The following TSR3 variants were observed in gnomAD, a reference collection of about 807,000 sequenced individuals.
TSR3 encodes 18S rRNA aminocarboxypropyltransferase.
A neutral mutation model predicts 28.1 loss-of-function variants in TSR3; 31 were observed. That is an observed-to-expected ratio of 1.10 (90% CI 0.83 to 1.49). The LOEUF (loss-of-function observed/expected upper bound fraction) is 1.49. Among genes scored for constraint, TSR3 ranks in the 40% most tolerant of loss-of-function variants. TSR3 has a pLI of 0.00. For synonymous variants in TSR3, 219 were observed against 197.2 expected (o/e 1.11, Z -0.93); for missense variants, 511 against 444.0 (o/e 1.15, Z -1.36).
At position 1,349,252 on chromosome 16, in the gene TSR3, A is replaced by G; in HGVS notation, c.*185T>C. On this transcript the variant is annotated 3_prime_UTR_variant, in exon 6 of 6. Transcript: ENST00000007390. ...ACTCACAAGGGGCTTCTTGGCCTGC[A>G]GCTTCATTTGCGAGAGCGCCGAGGC... 2.9e-6 allele frequency: 2 copies of G among 696,896 alleles called. No homozygotes were observed. Among genetic ancestry groups the G allele is most frequent in the South Asian group, 3.4e-5 (2 of 58,122 alleles). The allele number at this position is 696,896 out of a possible 1,614,324, so 43.2% of individuals were successfully genotyped here. A position where few individuals can be genotyped will look rare whatever the true frequency, so the allele number is the denominator to read the frequency against.
Position 1,350,073 on chromosome 16 carries a change from G to C in TSR3, c.688C>G (p.Gln230Glu). 2 of 1,607,816 alleles carry C rather than the reference G, an allele frequency of 1.2e-6. No homozygotes were observed. The highest frequency in any genetic ancestry group is 1.7e-6 in the Non-Finnish European group (2 of 1,176,188). ...EFLANAKESP[Q>E]EEEIDPFDVD... The stretch of plus-strand genomic sequence containing the variant: ...CAAGGCTCACCGATCTCCTCCTCCT[G>C]GGGGCTCTCCTTGGCATTGGCCAAG... The change falls in exon 4 of 6, where the codon CAG (glutamine) becomes GAG (glutamate). Residue 230 changes from glutamine (Q) to glutamate (E), a missense_variant. Coordinates refer to ENST00000007390, the MANE Select transcript of TSR3 (RefSeq NM_001001410.3).
chr16:1,351,668 G>A (rs2034682870), intron 1 of TSR3, 25 bp downstream of exon 1: 2 of 1,403,198 alleles, frequency 1.4e-6, no homozygotes, highest in Admixed American at 3.5e-5. Flanking sequence ...ACCCTGACCC[G>A]CTCTCCCCAT....
chr16:1,349,658 C>G (rs2141628005), intron 5 of TSR3, 50 bp from the exon 6 acceptor site: 2 of 1,543,424 alleles, frequency 1.3e-6, no homozygotes, highest in Non-Finnish European at 1.7e-6. Context: ...CCCTGGCTAG[C>G]TGGAGTCAAC....
Position 1,350,951 on chromosome 16 carries a change from T to A in TSR3, c.382A>T (p.Arg128Trp), listed in dbSNP as rs781213771. 1.2e-6 allele frequency: 2 copies of A among 1,612,728 alleles called. No individual in the cohort carries two copies. The highest frequency in any genetic ancestry group is 3.3e-5 in the Admixed American group (2 of 60,022). Reference protein sequence around the residue: ...GVAVIDCSWARLDETPFGKMR... With the variant: ...GVAVIDCSWAWLDETPFGKMR... Reference sequence around the variant, plus strand: ...TTCCCAAACGGTGTCTCGTCCAGCCTGGCCCAGGAGCAGTCGATGACGGCG... The same window carrying A: ...TTCCCAAACGGTGTCTCGTCCAGCCAGGCCCAGGAGCAGTCGATGACGGCG... The change falls in exon 3 of 6, where the codon AGG becomes TGG. Residue 128 changes from arginine to tryptophan, a missense_variant. By Grantham distance (101) the Arg-to-Trp change is moderately radical. Transcript: ENST00000007390.
At chr16:1,350,328 G>A (rs1387185614) in intron 3 of TSR3, 94 bp from the exon 4 acceptor site, 1 of 1,333,852 alleles carries the variant, frequency 7.5e-7, no homozygotes, top group African/African-American at 1.5e-5. Context: ...GCTCTCCCAA[G>A]TAACCGCAGG....
At position 1,349,927 on chromosome 16, in the gene TSR3, T is replaced by G; in HGVS notation, c.729A>C (p.Arg243Ser). 1 of 1,613,422 alleles carries G rather than the reference T, an allele frequency of 6.2e-7. No individual in the cohort carries two copies. The highest frequency in any genetic ancestry group is 8.5e-7 in the Non-Finnish European group (1 of 1,179,976). ...EIDPFDVDSG[R>S]EFGNPNRPVA... Reference sequence around the variant, plus strand: ...CAGGCCTGTTGGGGTTTCCAAACTCTCTCCCTGAATCCACATCGAAGGGAT... The same window carrying G: ...CAGGCCTGTTGGGGTTTCCAAACTCGCTCCCTGAATCCACATCGAAGGGAT... Residue 243 changes from arginine (R) to serine (S), a missense_variant, in exon 5 of 6, where the codon AGA becomes AGC. Physicochemically the swap from Arg to Ser is moderately radical, Grantham distance 110 (BLOSUM62 -1). Transcript: ENST00000007390.
chr16:1,351,826 G>A lies in TSR3; in HGVS notation c.-22C>T, dbSNP rs1034850148. 9 of 1,303,262 alleles carry A rather than the reference G, an allele frequency of 6.9e-6. No individual in the cohort carries two copies. The highest frequency in any genetic ancestry group is 2.3e-5 in the South Asian group (1 of 44,394). 80.7% of individuals were successfully genotyped at this position (1,303,262 alleles called of 1,614,324 possible). A position where few individuals can be genotyped will look rare whatever the true frequency, so the allele number is the denominator to read the frequency against. On this transcript the variant is annotated 5_prime_UTR_variant, in exon 1 of 6. Transcript: ENST00000007390. The stretch of plus-strand genomic sequence containing the variant: ...CCATGGCGCGGACCTGGGGTGCCGG[G>A]GACTCCCCACCCCACGGCCGCGCCC...
rs747345617 is a variant in TSR3, at chr16:1,349,439, A to C, written c.937T>G (p.Ter313GlyextTer16). ...AAAAATATATGTGTCTGCAACCCTC[A>C]GTCTCTCTGCCGTTTCTTGATTCCT... ...WKGIKKRQRD[*>G] is the part of the protein sequence containing the mutation. The change falls in exon 6 of 6, where the codon TGA (stop) becomes GGA (glycine). Residue 313 changes from the stop codon to glycine (G), a stop_lost. Coordinates refer to ENST00000007390, the MANE Select transcript of TSR3 (RefSeq NM_001001410.3). 1.9e-6 allele frequency: 3 copies of C among 1,613,452 alleles called. No homozygotes were observed. Among genetic ancestry groups the C allele is most frequent in the Admixed American group, 3.3e-5 (2 of 59,882 alleles).
At chr16:1,350,415 A>C (rs2034638724) in intron 3 of TSR3, among the ~76,000 whole-genome samples, 181 bp from the exon 4 acceptor site, 1 of 151,934 alleles carries the variant, frequency 6.6e-6, no homozygotes, top group Non-Finnish European at 1.5e-5. Context: ...TACAGTCCAC[A>C]CCTCTGCAAC....
In TSR3 at chr16:1,349,919, C is replaced by G; in HGVS notation, c.737G>C (p.Gly246Ala). The G allele has an allele frequency of 6.2e-7, 1 of 1,613,690 alleles. No homozygotes were observed. The highest frequency in any genetic ancestry group is 8.5e-7 in the Non-Finnish European group (1 of 1,180,022). The change falls in exon 5 of 6, where the codon GGA (glycine) becomes GCA (alanine). Residue 246 changes from glycine (G) to alanine (A), a missense_variant. Gly to Ala is a moderately conservative substitution (Grantham distance 60). Transcript: ENST00000007390. ...GCTGGCCACAGGCCTGTTGGGGTTT[C>G]CAAACTCTCTCCCTGAATCCACATC... Reference protein sequence around the residue: ...PFDVDSGREFGNPNRPVASTR... With the variant: ...PFDVDSGREFANPNRPVASTR...
chr16:1,349,630 G>A (rs778040632), intron 5 of TSR3, 22 bp from the exon 6 acceptor site: 8 of 1,568,982 alleles, frequency 5.1e-6, no homozygotes, highest in East Asian at 2.3e-5. Context: ...GGGGGAGCAC[G>A]TTCCCAAATG....
At position 1,351,387 on chromosome 16, in the gene TSR3, G is replaced by C; in HGVS notation, c.324C>G (p.Pro108=). ...AGGCCTCCCGCGCCTACCTGTCTGC[G>C]GGGGACGCGTACTGCTTGCCCACGG... ...LSPVGKQYAS[P]ADRQLVAQSG... is the part of the protein sequence containing the mutation. The change falls in exon 2 of 6, where the codon CCC becomes CCG. Residue 108 remains proline (P), a synonymous_variant. Transcript: ENST00000007390. The C allele has an allele frequency of 6.3e-7, 1 of 1,585,682 alleles. No individual in the cohort carries two copies. Among genetic ancestry groups the C allele is most frequent in the Non-Finnish European group, 8.5e-7 (1 of 1,174,668 alleles).
chr16:1,349,977 T>C (rs747580455), intron 4 of TSR3, 25 bp from the exon 5 acceptor site: 1 of 1,613,022 alleles, frequency 6.2e-7, no homozygotes, highest in African/African-American at 1.3e-5. Context: ...GAAAGTGGCC[T>C]CTAAGTGAGC....
At chr16:1,351,114 A>C in intron 2 of TSR3, 114 bp from the exon 3 acceptor site, 2 of 1,192,566 alleles carry the variant, frequency 1.7e-6, no homozygotes, top group Non-Finnish European at 2.3e-6. Context: ...ATCCCCAAAC[A>C]CCCTCAAACG....
At position 1,349,345 on chromosome 16, in the gene TSR3, G is replaced by A. The variant is rs765523889; in HGVS notation, c.*92C>T. 2.8e-6 allele frequency: 4 copies of A among 1,440,250 alleles called. No individual in the cohort carries two copies. Among genetic ancestry groups the A allele is most frequent in the Non-Finnish European group, 3.9e-6 (4 of 1,023,276 alleles). The allele number at this position is 1,440,250 out of a possible 1,614,324, so 89.2% of individuals were successfully genotyped here. On this transcript the variant is annotated 3_prime_UTR_variant, in exon 6 of 6. Transcript: ENST00000007390. Reference sequence around the variant, plus strand: ...GGACAGCTCAGTCCTGCCAGCAGCCGCAAAGAGCCGAGGCTGCCAGGCCCA... The same window carrying A: ...GGACAGCTCAGTCCTGCCAGCAGCCACAAAGAGCCGAGGCTGCCAGGCCCA...
Position 1,349,599 on chromosome 16 carries a change from C to G in TSR3, c.777G>C (p.Ser259=). The change falls in exon 6 of 6, where the codon TCG becomes TCC. Residue 259 remains serine (S), a synonymous_variant. Transcript: ENST00000007390. ...NRPVASTRLP[S]DTDDSDASED... ...CAGACGCATCACTGTCATCAGTGTCCGAGGGCAGCCTGGGAGAGGAGGGGG... is the reference window on the plus strand; with the variant it reads ...CAGACGCATCACTGTCATCAGTGTCGGAGGGCAGCCTGGGAGAGGAGGGGG... 1 of 1,598,290 alleles carries G rather than the reference C, an allele frequency of 6.3e-7. No homozygotes were observed. The highest frequency in any genetic ancestry group is 8.5e-7 in the Non-Finnish European group (1 of 1,171,974).
chr16:1,351,643 C>G lies in TSR3; in HGVS notation c.113-45G>C, dbSNP rs748226660. ...GCACTCGGCCTCAGCGTGGGACCCC[C>G]GGGCAGGCCCTCAAACCCTGACCCG... is the stretch of plus-strand genomic sequence containing the variant. On this transcript the variant is annotated intron_variant, in intron 1 of 5. Coordinates refer to ENST00000007390, the MANE Select transcript of TSR3 (RefSeq NM_001001410.3). The G allele has an allele frequency of 2.8e-6, 4 of 1,431,202 alleles. No individual in the cohort carries two copies. In the South Asian group the frequency reaches 5.7e-5, roughly 20 times the overall value. The allele number at this position is 1,431,202 out of a possible 1,614,324, so 88.7% of individuals were successfully genotyped here. A position where few individuals can be genotyped will look rare whatever the true frequency, so the allele number is the denominator to read the frequency against.
At chr16:1,349,849 C>T (rs2034620126) in intron 5 of TSR3, 40 bp downstream of exon 5, 12 of 1,610,684 alleles carry the variant, frequency 7.5e-6, no homozygotes, top group Non-Finnish European at 1.0e-5. Context: ...GAAGAGAGCC[C>T]TGGGTCTGAG....
chr16:1,351,431 C>G lies in TSR3; in HGVS notation c.280G>C (p.Gly94Arg), dbSNP rs1229253198. 1 of 1,595,532 alleles carries G rather than the reference C, an allele frequency of 6.3e-7. No individual in the cohort carries two copies. The highest frequency in any genetic ancestry group is 8.5e-7 in the Non-Finnish European group (1 of 1,178,774). ...CCCACGGGGCTCAGCACCAGACCGC[C>G]GAATCTGTGGCCCAGGCGCAGGCAG... ...VRCLRLGHRF[G>R]GLVLSPVGKQ... Residue 94 changes from glycine to arginine, a missense_variant, in exon 2 of 6, where the codon GGC (glycine) becomes CGC (arginine). By Grantham distance (125) the Gly-to-Arg change is moderately radical. Coordinates refer to ENST00000007390, the MANE Select transcript of TSR3 (RefSeq NM_001001410.3).
Sources: gnomAD v4.1 joint callset for allele counts (sites outside exome capture counted in the v4.1 genomes callset) on GRCh38, gnomAD v4.1.1 for gene constraint, MANE v1.5 for transcripts, NCBI Gene and HGNC (gene_info 2026-07-23, HGNC 2026-07-21) for gene names.